Variants in RGSL1 observed in about 807,000 individuals in gnomAD.
RGSL1 encodes the protein regulator of G protein signaling like 1.
In RGSL1, 97 loss-of-function variants were observed where a neutral mutation model predicts 124.7. That is an observed-to-expected ratio of 0.78 (90% CI 0.66 to 0.92). The LOEUF (loss-of-function observed/expected upper bound fraction) is 0.92. Ranked by LOEUF, RGSL1 falls within the 40% of genes least tolerant of loss-of-function variation. The pLI is 0.00. For missense variants in RGSL1, 1,233 were observed against 1,288.4 expected, an observed-to-expected ratio of 0.96 and a Z score of 0.66; for synonymous variants, 424 against 438.1, an observed-to-expected ratio of 0.97 and a Z score of 0.40.
chr1:182,543,708 T>A (rs4651125), intron 15 of RGSL1, among the ~76,000 whole-genome samples: 15 of 151,746 alleles, frequency 9.9e-5, no homozygotes, highest in Admixed American at 1.3e-4. Flanking sequence ...GGCTTCAATC[T>A]TGTTACTCAT....
chr1:182,547,548 G>C (rs926762739), intron 15 of RGSL1, among the ~76,000 whole-genome samples: 1 of 152,108 alleles, frequency 6.6e-6, no homozygotes, highest in Non-Finnish European at 1.5e-5. Context: ...AACCAGACTA[G>C]ATTATTCTCC....
chr1:182,456,618 G>T (rs1311539580), intron 2 of RGSL1, among the ~76,000 whole-genome samples: 1 of 152,042 alleles, frequency 6.6e-6, no homozygotes, highest in Admixed American at 6.6e-5. Context: ...CTTAAGACCC[G>T]TTAATCAGTC....
intron 11 of RGSL1, among the ~76,000 whole-genome samples, chr1:182,529,816 G>A (rs1659031087): frequency 6.6e-6 from 1 of 152,054 alleles, no homozygotes; most frequent in Non-Finnish European, 1.5e-5. Context: ...TCTCATTAAT[G>A]AACACAGCAG....
intron 2 of RGSL1, among the ~76,000 whole-genome samples, chr1:182,457,750 C>T (rs916654416): frequency 6.6e-6 from 1 of 152,194 alleles, no homozygotes; most frequent in African/African-American, 2.4e-5. Flanking sequence ...CCTTTCCCAT[C>T]CATTTCAAAG....
intron 10 of RGSL1, among the ~76,000 whole-genome samples, chr1:182,526,896 A>G (rs1015665873): frequency 5.3e-5 from 8 of 152,220 alleles, no homozygotes; most frequent in African/African-American, 1.9e-4. Flanking sequence ...ACTTAATGAA[A>G]TAGGTGTATA....
In RGSL1 at chr1:182,533,772, T is replaced by C. The variant is rs529451942; in HGVS notation, c.2494+981T>C. On this transcript the variant is annotated intron_variant, in intron 14 of 21. Coordinates refer to ENST00000294854, the MANE Select transcript of RGSL1 (RefSeq NM_001137669.2). ...AGCTAGTGTTACTGCTATTATTATA[T>C]AATTGTGATGAGTGATCCCGGCGAT... Among the ~76,000 whole-genome samples, 120 of 152,324 alleles carry C rather than the reference T, an allele frequency of 7.9e-4. 1 individual carries two copies. Among genetic ancestry groups the C allele is most frequent in the South Asian group, 6.8e-3 (33 of 4,832 alleles).
chr1:182,540,258 G>T lies in RGSL1; in HGVS notation c.2506G>T (p.Ala836Ser). Residue 836 changes from alanine to serine, a missense_variant, in exon 15 of 22, where the codon GCA becomes TCA. By Grantham distance (99) the Ala-to-Ser change is moderately conservative. Coordinates refer to ENST00000294854, the MANE Select transcript of RGSL1 (RefSeq NM_001137669.2). ...MQNSKENFTT[A>S]HNTSGRSAPP... ...TCTTTCTCTCTCAGATTTCACCACA[G>T]CACACAACACATCGGGACGTTCAGC... The T allele has an allele frequency of 6.5e-7, 1 of 1,548,936 alleles. No individual in the cohort carries two copies. Among genetic ancestry groups the T allele is most frequent in the Non-Finnish European group, 8.7e-7 (1 of 1,145,912 alleles).
chr1:182,460,794 C>G (rs761925073), intron 4 of RGSL1: 1 of 447,612 alleles, frequency 2.2e-6, no homozygotes, highest in Non-Finnish European at 4.5e-6. Context: ...TTGAAACTTG[C>G]AATGTTTGGG....
rs745895536 is a variant in RGSL1 at position 182,460,047 on chromosome 1, G to A, written c.215G>A (p.Arg72Gln). The A allele has an allele frequency of 7.4e-5, 115 of 1,551,430 alleles. No individual in the cohort carries two copies. The highest frequency in any genetic ancestry group is 6.7e-4 in the Middle Eastern group (4 of 6,014). ...TTATTGACCTGGTTGGAAAAATGCCGATTACCTTTCTTCTGTAAAACAAAC... is the reference window on the plus strand; with the variant it reads ...TTATTGACCTGGTTGGAAAAATGCCAATTACCTTTCTTCTGTAAAACAAAC... ...KGLLTWLEKCRLPFFCKTNLC... is the reference protein window; with the variant it reads ...KGLLTWLEKCQLPFFCKTNLC... Residue 72 changes from arginine (R) to glutamine (Q), a missense_variant, in exon 4 of 22, where the codon CGA becomes CAA. Arg to Gln is a conservative substitution (Grantham distance 43). Transcript: ENST00000294854.
At position 182,475,858 on chromosome 1, in the gene RGSL1, G is replaced by T. The variant is rs267896; in HGVS notation, c.1431+1316G>T. ...GATAAAAAACATCAAATTATTTAGT[G>T]CATTATAACGTATTTACCTTGTAAA... is the stretch of plus-strand genomic sequence containing the variant. On this transcript the variant is annotated intron_variant, in intron 6 of 21. Transcript: ENST00000294854. Among the ~76,000 whole-genome samples, 401 of 152,274 alleles carry T rather than the reference G, an allele frequency of 2.6e-3. 3 individuals are homozygous for T. Among genetic ancestry groups the T allele is most frequent in the African/African-American group, 9.1e-3 (379 of 41,552 alleles).
chr1:182,542,279 A>G (rs1421509296), intron 15 of RGSL1, among the ~76,000 whole-genome samples: 1 of 152,128 alleles, frequency 6.6e-6, no homozygotes, highest in Non-Finnish European at 1.5e-5. Flanking sequence ...TCTGCTGCAT[A>G]TGGACATTCA....
At chr1:182,465,309 T>C (rs1653205572) in intron 4 of RGSL1, among the ~76,000 whole-genome samples, 1 of 152,240 alleles carries the variant, frequency 6.6e-6, no homozygotes. Flanking sequence ...TTCATGTATT[T>C]GTAGGGACAT....
intron 9 of RGSL1, among the ~76,000 whole-genome samples, chr1:182,501,746 A>T (rs965195979): frequency 2.0e-5 from 3 of 152,174 alleles, no homozygotes; most frequent in Admixed American, 6.5e-5. Flanking sequence ...CTGATTTATT[A>T]TTAGGATCAT....
rs111778820 is a variant in RGSL1, at chr1:182,558,054, A to AGAAG, written c.*165+1855_*165+1858dup. Among the ~76,000 whole-genome samples, 1,239 of 151,546 alleles carry AGAAG rather than the reference A, an allele frequency of 8.2e-3. 13 individuals are homozygous for AGAAG. Among genetic ancestry groups the AGAAG allele is most frequent in the African/African-American group, 0.025 (1,026 of 41,382 alleles). ...CCAGAGCTTCTACTTAGGAATAAAA[A>AGAAG]GAAGGAAGGAAGGAAGGAAGGAAGG... On this transcript the variant is annotated intron_variant, in intron 21 of 21. Transcript: ENST00000294854.
At chr1:182,450,251 G>A (rs952739698) in intron 1 of RGSL1, 73 bp downstream of exon 1, 1 of 1,524,084 alleles carries the variant, frequency 6.6e-7, no homozygotes, top group Admixed American at 2.0e-5. Flanking sequence ...CTTCCCAATT[G>A]TTAATAGATC....
chr1:182,505,603 A>G (rs1039037599), intron 9 of RGSL1, among the ~76,000 whole-genome samples: 3 of 152,072 alleles, frequency 2.0e-5, no homozygotes, highest in Non-Finnish European at 4.4e-5. Context: ...ATCATTTCCT[A>G]CTATATCTTT....
chr1:182,459,365 G>A (rs1227066504), intron 3 of RGSL1, among the ~76,000 whole-genome samples: 1 of 152,202 alleles, frequency 6.6e-6, no homozygotes, highest in East Asian at 1.9e-4. Flanking sequence ...TGTAGAATCA[G>A]ACAGACCACT....
At chr1:182,509,838 C>T (rs1245129189) in intron 9 of RGSL1, among the ~76,000 whole-genome samples, 5 of 138,206 alleles carry the variant, frequency 3.6e-5, no homozygotes, top group African/African-American at 5.5e-5. Flanking sequence ...ACCTCCCTCC[C>T]GGACGGGGTG....
chr1:182,467,944 A>G (rs1049095762), intron 4 of RGSL1, among the ~76,000 whole-genome samples: 2 of 152,262 alleles, frequency 1.3e-5, no homozygotes, highest in African/African-American at 4.8e-5. Flanking sequence ...AGCCCCATCA[A>G]CAAGTCGGCA....
Sources: gnomAD v4.1 joint callset for allele counts (sites outside exome capture counted in the v4.1 genomes callset) on GRCh38, gnomAD v4.1.1 for gene constraint, MANE v1.5 for transcripts, NCBI Gene and HGNC (gene_info 2026-07-23, HGNC 2026-07-21) for gene names.